Variants in CCK observed in about 807,000 individuals in gnomAD.
The protein encoded by CCK is cholecystokinin triacontatriapeptide.
CCK carries 11 observed loss-of-function variants against 10.1 expected under a neutral mutation model. The observed-to-expected ratio is 1.09, with a 90% CI of 0.69 to 1.81. The LOEUF (loss-of-function observed/expected upper bound fraction) is 1.81. CCK is among the 40% of genes most tolerant of loss of function. The pLI is 0.00. For missense variants in CCK, 137 were observed against 159.9 expected, an observed-to-expected ratio of 0.86 and a Z score of 0.77; for synonymous variants, 83 against 71.9, an observed-to-expected ratio of 1.15 and a Z score of -0.78.
At chr3:42,260,413 G>A (rs1327007210) in intron 4 of CCK, among the ~76,000 whole-genome samples, 2 of 152,204 alleles carry the variant, frequency 1.3e-5, no homozygotes, top group Admixed American at 1.3e-4. Context: ...ATGGAAGCAA[G>A]GTGACAGCTT....
chr3:42,260,931 G>A (rs1004550396), intron 4 of CCK, among the ~76,000 whole-genome samples: 1 of 152,202 alleles, frequency 6.6e-6, no homozygotes, highest in Admixed American at 6.5e-5. Flanking sequence ...CAGCCCTGCT[G>A]TTGCGTAGAT....
chr3:42,259,221 G>A (rs1711180760), intron 4 of CCK, among the ~76,000 whole-genome samples: 1 of 152,108 alleles, frequency 6.6e-6, no homozygotes, highest in South Asian at 2.1e-4. Flanking sequence ...GGTTAGGGGA[G>A]GGATAGCATT....
rs568959598 is a variant in CCK, at chr3:42,263,299, G to T, written c.214+118C>A. The T allele has an allele frequency of 2.0e-6, 3 of 1,493,218 alleles. No homozygotes were observed. In the South Asian group the frequency reaches 3.4e-5, roughly 17 times the overall value. 92.5% of individuals were successfully genotyped at this position (1,493,218 alleles called of 1,614,324 possible). A position where few individuals can be genotyped will look rare whatever the true frequency, so the allele number is the denominator to read the frequency against. ...GCTACAAAGGACCGCCAGAAATCAT[G>T]TTGCTTGTTTCCTACCGAGAGAGGT... On this transcript the variant is annotated intron_variant, in intron 4 of 4. Transcript: ENST00000396169.
intron 3 of CCK, 148 bp from the exon 4 acceptor site, chr3:42,263,780 G>T: frequency 7.4e-7 from 1 of 1,351,552 alleles, no homozygotes. Flanking sequence ...CTCGCCAAGC[G>T]CTGACCCCAG....
Position 42,258,186 on chromosome 3 carries a change from T to A in CCK, c.260A>T (p.Asp87Val). 1 of 1,613,992 alleles carries A rather than the reference T, an allele frequency of 6.2e-7. No homozygotes were observed. Among genetic ancestry groups the A allele is most frequent in the Non-Finnish European group, 8.5e-7 (1 of 1,179,984 alleles). ...CCGGTCACTTATCCTGTGGCTGGGG[T>A]CCAGGTTCTGCAGGTTCTTAACGAT... ...MSIVKNLQNL[D>V]PSHRISDRDY... is the part of the protein sequence containing the mutation. Residue 87 changes from aspartate (D) to valine (V), a missense_variant, in exon 5 of 5, where the codon GAC becomes GTC. Transcript: ENST00000396169.
At chr3:42,258,421 G>A (rs1427674043) in intron 4 of CCK, among the ~76,000 whole-genome samples, 190 bp from the exon 5 acceptor site, 1 of 152,260 alleles carries the variant, frequency 6.6e-6, no homozygotes, top group Non-Finnish European at 1.5e-5. Flanking sequence ...CAATGTCTGT[G>A]TAACTGGAGA....
intron 4 of CCK, among the ~76,000 whole-genome samples, chr3:42,259,267 G>A (rs1472616479): frequency 2.0e-5 from 3 of 152,110 alleles, no homozygotes; most frequent in Non-Finnish European, 4.4e-5. Flanking sequence ...TGGTTGATGG[G>A]TGCAGCAAAC....
chr3:42,264,921 G>A lies in CCK; in HGVS notation c.-213-14C>T, dbSNP rs527983069. 1 of 152,486 alleles carries A rather than the reference G, an allele frequency of 6.6e-6. No individual in the cohort carries two copies. The highest frequency in any genetic ancestry group is 1.5e-5 in the Non-Finnish European group (1 of 68,146). 9.4% of individuals were successfully genotyped at this position (152,486 alleles called of 1,614,324 possible). ...TTGAAGTGGCTCCTGGGAGAGAGGGGGAGGTGGTCTAGTGGGGTGGAGTTA... is the reference window on the plus strand; with the variant it reads ...TTGAAGTGGCTCCTGGGAGAGAGGGAGAGGTGGTCTAGTGGGGTGGAGTTA... On this transcript the variant is annotated splice_polypyrimidine_tract_variant and intron_variant, in intron 2 of 4. Transcript: ENST00000396169.
Position 42,257,974 on chromosome 3 carries a change from T to C in CCK, c.*124A>G. On this transcript the variant is annotated 3_prime_UTR_variant, in exon 5 of 5. Transcript: ENST00000396169. ...AGACACATTTTTCACATTGAGAACT[T>C]AATAAATAGATACATACAATGTCAA... is the stretch of plus-strand genomic sequence containing the variant. 9.5e-6 allele frequency: 10 copies of C among 1,055,824 alleles called. No homozygotes were observed. The highest frequency in any genetic ancestry group is 1.4e-5 in the Non-Finnish European group (10 of 735,142). The allele number at this position is 1,055,824 out of a possible 1,614,324, so 65.4% of individuals were successfully genotyped here.
intron 3 of CCK, 107 bp from the exon 4 acceptor site, chr3:42,263,739 C>G (rs1711250430): frequency 1.4e-6 from 2 of 1,424,764 alleles, no homozygotes; most frequent in South Asian, 1.6e-5. Flanking sequence ...ACAGGTGCTC[C>G]AGACCCGCCA....
intron 4 of CCK, among the ~76,000 whole-genome samples, chr3:42,261,202 C>T (rs1306852154): frequency 1.3e-5 from 2 of 152,106 alleles, no homozygotes; most frequent in Non-Finnish European, 2.9e-5. Context: ...TTAAGTACTG[C>T]TCAAAGAATG....
chr3:42,263,736 C>T, intron 3 of CCK, 104 bp from the exon 4 acceptor site: 4 of 1,428,642 alleles, frequency 2.8e-6, no homozygotes, highest in Non-Finnish European at 3.7e-6. Context: ...AACACAGGTG[C>T]TCCAGACCCG....
intron 4 of CCK, among the ~76,000 whole-genome samples, chr3:42,260,040 A>G (rs1711190544): frequency 6.6e-6 from 1 of 152,316 alleles, no homozygotes; most frequent in African/African-American, 2.4e-5. Flanking sequence ...GTGTTGATAA[A>G]TGAAAATGCA....
chr3:42,258,056 T>A lies in CCK; in HGVS notation c.*42A>T. ...GTTTTCTTATTCTGCCTCCTCTGGG[T>A]TGGGAGGTTGCTTCCCGTTGGGCTG... On this transcript the variant is annotated 3_prime_UTR_variant, in exon 5 of 5. Coordinates refer to ENST00000396169, the MANE Select transcript of CCK (RefSeq NM_000729.6). 6.3e-7 allele frequency: 1 copy of A among 1,585,882 alleles called. No individual in the cohort carries two copies. Among genetic ancestry groups the A allele is most frequent in the Non-Finnish European group, 8.6e-7 (1 of 1,166,416 alleles).
At chr3:42,263,810 C>A (rs1047877246) in intron 3 of CCK, 178 bp from the exon 4 acceptor site, 101 of 1,102,300 alleles carry the variant, frequency 9.2e-5, no homozygotes, top group Non-Finnish European at 1.1e-4. Flanking sequence ...ATGGCGCGCG[C>A]CCCCGGGCGC....
Position 42,263,338 on chromosome 3 carries a change from C to G in CCK, c.214+79G>C, listed in dbSNP as rs761668085. 6 of 1,607,028 alleles carry G rather than the reference C, an allele frequency of 3.7e-6. 1 individual carries two copies. The highest frequency in any genetic ancestry group is 3.3e-4 in the Middle Eastern group (2 of 6,074). On this transcript the variant is annotated intron_variant, in intron 4 of 4. Transcript: ENST00000396169. ...ACCGAGAGAGGTCATCCCCATCAGG[C>G]TAGCGCTAGAGAAGAGGGTCAGCAT...
intron 3 of CCK, 111 bp from the exon 4 acceptor site, chr3:42,263,743 C>T (rs1290153172): frequency 2.1e-6 from 3 of 1,421,352 alleles, no homozygotes; most frequent in South Asian, 3.2e-5. Flanking sequence ...GTGCTCCAGA[C>T]CCGCCAGGCC....
At chr3:42,259,870 C>G (rs1711188091) in intron 4 of CCK, among the ~76,000 whole-genome samples, 1 of 152,160 alleles carries the variant, frequency 6.6e-6, no homozygotes, top group Admixed American at 6.5e-5. Context: ...AAGCCCAGGC[C>G]AAATCAAGGG....
chr3:42,258,287 T>G, intron 4 of CCK, 56 bp from the exon 5 acceptor site: 1 of 1,582,972 alleles, frequency 6.3e-7, no homozygotes, highest in Non-Finnish European at 8.6e-7. Flanking sequence ...GCATCTCTAG[T>G]TCAATTTGGG....
Sources: gnomAD v4.1 joint callset for allele counts (sites outside exome capture counted in the v4.1 genomes callset) on GRCh38, gnomAD v4.1.1 for gene constraint, MANE v1.5 for transcripts, NCBI Gene and HGNC (gene_info 2026-07-23, HGNC 2026-07-21) for gene names.